Variants in MROH9 observed in about 807,000 individuals in gnomAD.
The protein encoded by MROH9 is maestro heat-like repeat-containing protein family member 9.
A neutral mutation model predicts 98.2 loss-of-function variants in MROH9; 92 were observed. That is an observed-to-expected ratio of 0.94 (90% CI 0.79 to 1.11). The LOEUF is 1.11. Among genes scored for constraint, MROH9 ranks in the 50% most tolerant of loss-of-function variants. MROH9 has a pLI of 0.00. For missense variants in MROH9, 1,057 were observed against 1,014.8 expected (o/e 1.04, Z -0.57); for synonymous variants, 397 against 368.9 (o/e 1.08, Z -0.87).
chr1:170,981,518 C>T (rs949933564), intron 8 of MROH9, among the ~76,000 whole-genome samples: 10 of 152,120 alleles, frequency 6.6e-5, no homozygotes, highest in Admixed American at 3.9e-4. Context: ...GAACAGAAAA[C>T]CAAACCACGT....
intron 15 of MROH9, among the ~76,000 whole-genome samples, chr1:171,013,859 A>G (rs1652238823): frequency 1.4e-5 from 2 of 144,322 alleles, no homozygotes; most frequent in South Asian, 4.6e-4. Flanking sequence ...ACAATGGAGG[A>G]AAATGTAAAA....
intron 18 of MROH9, 25 bp downstream of exon 18, chr1:171,024,572 A>G: frequency 2.0e-6 from 3 of 1,522,782 alleles, no homozygotes; most frequent in Non-Finnish European, 2.6e-6. Flanking sequence ...CTTCTTTTTC[A>G]TAAATTTACC....
chr1:171,015,131 GTTGT>G, intron 16 of MROH9: 1 of 458,874 alleles, frequency 2.2e-6, no homozygotes, highest in Non-Finnish European at 4.5e-6. Context: ...ATAATAAATC[GTTGT>G]TTATCTAATG....
chr1:170,961,728 G>A (rs1650021305), intron 5 of MROH9, among the ~76,000 whole-genome samples, 162 bp from the exon 6 acceptor site: 1 of 151,890 alleles, frequency 6.6e-6, no homozygotes, highest in African/African-American at 2.4e-5. Flanking sequence ...TTAAATATGT[G>A]TGGCATTTTA....
At chr1:171,059,652 G>A (rs1653952882) in intron 20 of MROH9, among the ~76,000 whole-genome samples, 1 of 152,160 alleles carries the variant, frequency 6.6e-6, no homozygotes, top group African/African-American at 2.4e-5. Context: ...ATGATAGACT[G>A]GATAAAGAAA....
chr1:171,062,843 AG>A (rs929132702), intron 21 of MROH9, among the ~76,000 whole-genome samples: 1 of 152,076 alleles, frequency 6.6e-6, no homozygotes, highest in Non-Finnish European at 1.5e-5. Context: ...AGCAATATTG[AG>A]CTGCAGGTAC....
In MROH9 at chr1:170,964,180, A is replaced by T. The variant is rs556147445; in HGVS notation, c.376-971A>T. ...ATTAATTCTTCCATTTCACAGATTT[A>T]AAAAAAATGAAAACGGAGAAAGGAG... On this transcript the variant is annotated intron_variant, in intron 6 of 21. Coordinates refer to ENST00000367759, the MANE Select transcript of MROH9 (RefSeq NM_001163629.2). Among the ~76,000 whole-genome samples, 8 of 152,038 alleles carry T rather than the reference A, an allele frequency of 5.3e-5. No individual in the cohort carries two copies. In the East Asian group the frequency reaches 1.4e-3, roughly 26 times the overall value.
At position 171,016,326 on chromosome 1, in the gene MROH9, T is replaced by C; in HGVS notation, c.1898T>C (p.Leu633Pro). The C allele has an allele frequency of 6.6e-7, 1 of 1,507,160 alleles. No individual in the cohort carries two copies. Among genetic ancestry groups the C allele is most frequent in the African/African-American group, 1.4e-5 (1 of 70,658 alleles). 93.4% of individuals were successfully genotyped at this position (1,507,160 alleles called of 1,614,324 possible). A position where few individuals can be genotyped will look rare whatever the true frequency, so the allele number is the denominator to read the frequency against. The change falls in exon 17 of 22, where the codon CTG becomes CCG. Residue 633 changes from leucine to proline, a missense_variant. By Grantham distance (98) the Leu-to-Pro change is moderately conservative (BLOSUM62 -3). Transcript: ENST00000367759. ...GTRIGSSYCTLMDHINGGIRS... is the reference protein window; with the variant it reads ...GTRIGSSYCTPMDHINGGIRS... ...AGAATTGGTTCCAGCTACTGTACTC[T>C]GATGGATCATGTGAGTTACACAGTT...
chr1:170,978,754 T>A (rs1370172516), intron 8 of MROH9, among the ~76,000 whole-genome samples: 1 of 151,844 alleles, frequency 6.6e-6, no homozygotes, highest in African/African-American at 2.4e-5. Flanking sequence ...AGAGGCCCTG[T>A]CTGGTGAGGA....
chr1:170,959,279 GC>G (rs1485955767), intron 4 of MROH9, among the ~76,000 whole-genome samples, 182 bp from the exon 5 acceptor site: 2 of 152,114 alleles, frequency 1.3e-5, no homozygotes, highest in African/African-American at 4.8e-5. Flanking sequence ...GGAGGCTGAG[GC>G]AGGAGAATGG....
At chr1:170,947,647 A>G in intron 3 of MROH9, 74 bp downstream of exon 3, 1 of 1,293,084 alleles carries the variant, frequency 7.7e-7, no homozygotes, top group Non-Finnish European at 1.1e-6. Flanking sequence ...TGTTTCCATT[A>G]CAAGGATGTT....
At chr1:171,037,702 A>G (rs1185579369) in intron 20 of MROH9, among the ~76,000 whole-genome samples, 1 of 152,032 alleles carries the variant, frequency 6.6e-6, no homozygotes. Context: ...TCATACATCA[A>G]TATAGCTTTA....
intron 6 of MROH9, among the ~76,000 whole-genome samples, chr1:170,963,359 A>C (rs1283316643): frequency 6.6e-6 from 1 of 152,076 alleles, no homozygotes; most frequent in Admixed American, 6.6e-5. Flanking sequence ...GGAGAAAAAT[A>C]AATGTTTATA....
intron 8 of MROH9, among the ~76,000 whole-genome samples, chr1:170,974,473 C>T (rs1046769801): frequency 1.3e-5 from 2 of 151,714 alleles, no homozygotes; most frequent in East Asian, 3.9e-4. Context: ...GCAGATTTCT[C>T]ACCAGAAATG....
chr1:170,966,578 A>G (rs970083543), intron 7 of MROH9, among the ~76,000 whole-genome samples: 39 of 152,236 alleles, frequency 2.6e-4, no homozygotes, highest in African/African-American at 8.7e-4. Flanking sequence ...AAGAATCTAG[A>G]TCAGCTTTGT....
chr1:170,936,880 A>AG, intron 1 of MROH9, among the ~76,000 whole-genome samples: 1 of 151,720 alleles, frequency 6.6e-6, no homozygotes, highest in South Asian at 2.1e-4. Flanking sequence ...AGATCTGTGT[A>AG]GGGGGAAGCA....
At chr1:170,974,706 T>C (rs976257788) in intron 8 of MROH9, among the ~76,000 whole-genome samples, 7 of 151,998 alleles carry the variant, frequency 4.6e-5, no homozygotes, top group African/African-American at 1.4e-4. Context: ...GACGAAAATC[T>C]AGATCTACAA....
chr1:171,017,193 A>G (rs1405095395), intron 17 of MROH9, among the ~76,000 whole-genome samples: 24 of 152,218 alleles, frequency 1.6e-4, no homozygotes. Flanking sequence ...AGCTGCCATC[A>G]CAAAGATGCA....
intron 2 of MROH9, 101 bp from the exon 3 acceptor site, chr1:170,947,426 C>A: frequency 1.1e-6 from 1 of 918,638 alleles, no homozygotes; most frequent in Non-Finnish European, 1.7e-6. Flanking sequence ...TGGGCTTTGA[C>A]ATCAAGGTCA....
Sources: allele counts gnomAD v4.1 joint callset (sites outside exome capture counted in the v4.1 genomes callset), GRCh38; gene constraint gnomAD v4.1.1; transcripts MANE v1.5; gene names NCBI Gene and HGNC (gene_info 2026-07-23, HGNC 2026-07-21).